The following CSF1R variants were observed in gnomAD, a reference collection of about 807,000 sequenced individuals.
The protein encoded by CSF1R is colony stimulating factor 1 receptor.
Under a neutral mutation model 110.0 loss-of-function variants are expected in CSF1R, and 40 were observed. That is an observed-to-expected ratio of 0.36 (90% confidence interval 0.28 to 0.47). The LOEUF (loss-of-function observed/expected upper bound fraction) is 0.47. Ranked by LOEUF, CSF1R falls within the 20% of genes least tolerant of loss-of-function variation. CSF1R has a pLI of 0.99. For missense variants in CSF1R, 1,052 were observed against 1,253.0 expected, an observed-to-expected ratio of 0.84 and a Z score of 2.42; for synonymous variants, 523 against 503.4, an observed-to-expected ratio of 1.04 and a Z score of -0.52.
chr5:150,097,541 T>A (rs1759269083), intron 1 of CSF1R, among the ~76,000 whole-genome samples: 1 of 152,010 alleles, frequency 6.6e-6, no homozygotes, highest in South Asian at 2.1e-4. Context: ...TGCCAAAGAA[T>A]CTACAAAAAA....
chr5:150,105,308 A>C (rs1759513187), intron 1 of CSF1R, among the ~76,000 whole-genome samples: 1 of 139,706 alleles, frequency 7.2e-6, no homozygotes, highest in South Asian at 2.4e-4. Flanking sequence ...ACATTGTGCC[A>C]CTGCACTCCA....
In CSF1R at chr5:150,074,509, T is replaced by A. The variant is rs1203163959; in HGVS notation, c.890-1016A>T. ...TCTCCTAATGACATTTTGCACAGATTGTAATACAGCTGCTCTTGTTGAATC... is the reference window on the plus strand; with the variant it reads ...TCTCCTAATGACATTTTGCACAGATAGTAATACAGCTGCTCTTGTTGAATC... On this transcript the variant is annotated intron_variant, in intron 5 of 20. Transcript: ENST00000675795. Among the ~76,000 whole-genome samples the A allele has an allele frequency of 3.3e-5, 5 of 152,168 alleles. No homozygotes were observed. The South Asian group carries it at 1.0e-3, about 32-fold the overall frequency.
chr5:150,110,214 C>G (rs576655870), intron 1 of CSF1R, among the ~76,000 whole-genome samples: 38 of 152,076 alleles, frequency 2.5e-4, no homozygotes, highest in Non-Finnish European at 4.6e-4. Flanking sequence ...TTTCAAATAG[C>G]CAATTGGAAT....
At chr5:150,074,305 G>GA (rs1554103235) in intron 5 of CSF1R, among the ~76,000 whole-genome samples, 2 of 126,864 alleles carry the variant, frequency 1.6e-5, no homozygotes, top group Non-Finnish European at 3.2e-5. Flanking sequence ...GTCCTGACTA[G>GA]TTTTTTTTTT....
At chr5:150,105,384 A>ATATATT (rs1325691091) in intron 1 of CSF1R, among the ~76,000 whole-genome samples, 2 of 84,248 alleles carry the variant, frequency 2.4e-5, no homozygotes, top group Non-Finnish European at 4.3e-5. Context: ...ATATATATAT[A>ATATATT]TTTTTTTTTT....
At chr5:150,104,512 C>T (rs140616727) in intron 1 of CSF1R, among the ~76,000 whole-genome samples, 5 of 152,372 alleles carry the variant, frequency 3.3e-5, no homozygotes, top group Non-Finnish European at 7.3e-5. Flanking sequence ...ATTTTCCTTG[C>T]ATGGCAGGCT....
At chr5:150,090,753 A>G (rs758463743), upstream of CSF1R, among the ~76,000 whole-genome samples, 2 of 152,252 alleles carry the variant, frequency 1.3e-5, no homozygotes, top group African/African-American at 2.4e-5. Context: ...GTCCTCACTT[A>G]TAAGTGGAAG....
At chr5:150,088,568 C>T (rs979772883), upstream of CSF1R, among the ~76,000 whole-genome samples, 1 of 151,252 alleles carries the variant, frequency 6.6e-6, no homozygotes, top group Admixed American at 6.6e-5. Context: ...GGGTCTCACT[C>T]TGTCACTCAG....
chr5:150,081,551 G>C (rs1758544618), intron 1 of CSF1R, among the ~76,000 whole-genome samples: 1 of 152,164 alleles, frequency 6.6e-6, no homozygotes, highest in Non-Finnish European at 1.5e-5. Flanking sequence ...CCCACCAATG[G>C]ACATCTGGTC....
chr5:150,069,976 C>G lies in CSF1R; in HGVS notation c.1407G>C (p.Gln469His), dbSNP rs1757961615. The G allele has an allele frequency of 1.2e-6, 2 of 1,614,188 alleles. No homozygotes were observed. Among genetic ancestry groups the G allele is most frequent in the Non-Finnish European group, 1.7e-6 (2 of 1,180,012 alleles). The change falls in exon 9 of 21, where the codon CAG becomes CAC. Residue 469 changes from glutamine (Q) to histidine (H), a missense_variant. By Grantham distance (24) the Gln-to-His change is conservative. Transcript: ENST00000675795. ...CTAAGGTCTCAACAGTCAGCAGGCT[C>G]TGCACCGTCACCTTGTGGAAGGGCT... ...SQEPFHKVTV[Q>H]SLLTVETLEH...
chr5:150,070,514 G>A lies in CSF1R; in HGVS notation c.1140C>T (p.Ser380=), dbSNP rs1480191385. ...RLKPSEAGRY[S]FLARNPGGWR... ...AGCCTCCTGGGTTTCTGGCCAGGAA[G>A]GAGTAGCGGCCAGCCTCAGAGGGCT... is the stretch of plus-strand genomic sequence containing the variant. Residue 380 remains serine (S), a synonymous_variant, in exon 7 of 21, where the codon TCC becomes TCT. Transcript: ENST00000675795. 6.4e-7 allele frequency: 1 copy of A among 1,554,890 alleles called. No homozygotes were observed. The highest frequency in any genetic ancestry group is 8.7e-7 in the Non-Finnish European group (1 of 1,149,136).
chr5:150,084,386 AGAAAGAAGGAAGGAAG>A (rs1469523210), intron 1 of CSF1R, among the ~76,000 whole-genome samples: 462 of 45,088 alleles, frequency 0.01, no homozygotes, highest in African/African-American at 0.021. Flanking sequence ...AAAGAAAGAA[AGAAAGAAGGAAGGAAG>A]GAAGGAAGGA....
At chr5:150,084,682 G>T (rs1489289659) in intron 1 of CSF1R, among the ~76,000 whole-genome samples, 16 of 151,844 alleles carry the variant, frequency 1.1e-4, no homozygotes, top group Admixed American at 1.0e-3. Flanking sequence ...TGAAACTCCT[G>T]ATCTTGTGAT....
chr5:150,080,132 T>C lies in CSF1R; in HGVS notation c.512A>G (p.Gln171Arg), dbSNP rs1758463816. 1 of 1,614,042 alleles carries C rather than the reference T, an allele frequency of 6.2e-7. No individual in the cohort carries two copies. Among genetic ancestry groups the C allele is most frequent in the Non-Finnish European group, 8.5e-7 (1 of 1,180,054 alleles). Residue 171 changes from glutamine to arginine, a missense_variant, in exon 3 of 21, where the codon CAG becomes CGG. Physicochemically the swap from Gln to Arg is conservative, Grantham distance 43 (BLOSUM62 1). Coordinates refer to ENST00000675795, the MANE Select transcript of CSF1R (RefSeq NM_001288705.3). ...GGCACTGCATTGATAGTCCTGGCTC[T>C]GAATGAACTTGGCCCTGTGGATGGT... ...GFTIHRAKFIQSQDYQCSALM... is the reference protein window; with the variant it reads ...GFTIHRAKFIRSQDYQCSALM...
chr5:150,057,440 A>G, intron 15 of CSF1R, 56 bp from the exon 16 acceptor site: 2 of 1,609,572 alleles, frequency 1.2e-6, no homozygotes, highest in African/African-American at 1.3e-5. Context: ...CCCTCACCCC[A>G]GCAGCCCCTT....
upstream of CSF1R, chr5:150,086,733 G>C (rs977257881): frequency 5.9e-5 from 22 of 373,478 alleles, no homozygotes; most frequent in Non-Finnish European, 8.5e-5. Context: ...AGCTAGCTAA[G>C]TTTGGGGCCC....
At chr5:150,055,375 G>T (rs1757158834) in intron 18 of CSF1R, 39 bp from the exon 19 acceptor site, 8 of 1,553,624 alleles carry the variant, frequency 5.1e-6, no homozygotes, top group African/African-American at 2.7e-5. Flanking sequence ...CATGCCCATT[G>T]TCTTCTCCCC....
At chr5:150,064,381 G>C (rs1757664701) in intron 10 of CSF1R, among the ~76,000 whole-genome samples, 1 of 152,248 alleles carries the variant, frequency 6.6e-6, no homozygotes, top group South Asian at 2.1e-4. Context: ...TAGTTAGAGA[G>C]AAAAGACTGC....
Position 150,070,458 on chromosome 5 carries a change from CG to C in CSF1R, c.1195del (p.Arg399AspfsTer6). The C allele has an allele frequency of 6.4e-7, 1 of 1,554,856 alleles. No homozygotes were observed. Among genetic ancestry groups the C allele is most frequent in the Non-Finnish European group, 8.7e-7 (1 of 1,150,862 alleles). ...TGGCGCTCGGCCCCAGCACTCACAT[CG>C]AAGGGTGAGCTCAAACGTCAGAGCT... ...WRALTFELTLRYPPEVSVIWT... is the reference protein window; with the variant it reads ...WRALTFELTLXYPPEVSVIWT... On this transcript the variant is annotated frameshift_variant, in exon 7 of 21. Transcript: ENST00000675795. LOFTEE classifies it high-confidence loss of function.
Sources: gnomAD v4.1 joint callset for allele counts (sites outside exome capture counted in the v4.1 genomes callset) on GRCh38, gnomAD v4.1.1 for gene constraint, MANE v1.5 for transcripts, NCBI Gene and HGNC (gene_info 2026-07-23, HGNC 2026-07-21) for gene names.